Variants in CNGA1 observed in about 807,000 individuals in gnomAD.
CNGA1 encodes the protein cyclic nucleotide-gated channel alpha-1.
A neutral mutation model predicts 69.7 loss-of-function variants in CNGA1; 53 were observed. That is an observed-to-expected ratio of 0.76 (90% CI 0.61 to 0.96). The LOEUF is 0.96. Among genes scored for constraint, CNGA1 ranks in the 40% least tolerant of loss-of-function variants. CNGA1 has a pLI of 0.00. For synonymous variants in CNGA1, 249 were observed against 283.5 expected, an observed-to-expected ratio of 0.88 and a Z score of 1.22; for missense variants, 739 against 811.2, an observed-to-expected ratio of 0.91 and a Z score of 1.08.
At position 47,940,832 on chromosome 4, in the gene CNGA1, A is replaced by G. The variant is rs1739030680; in HGVS notation, c.583T>C (p.Tyr195His). 6.2e-7 allele frequency: 1 copy of G among 1,612,172 alleles called. No individual in the cohort carries two copies. The highest frequency in any genetic ancestry group is 8.5e-7 in the Non-Finnish European group (1 of 1,178,466). Residue 195 changes from tyrosine (Y) to histidine (H), a missense_variant, in exon 10 of 11, where the codon TAT (tyrosine) becomes CAT (histidine). Coordinates refer to ENST00000514170, the MANE Select transcript of CNGA1 (RefSeq NM_001379270.1). ...FDELQSDYLE[Y>H]WLILDYVSDI... ...GATACGTAATCCAAAATGAGCCAAT[A>G]TTCTAGGTAATCAGATTGAAGTTCA... is the stretch of plus-strand genomic sequence containing the variant.
chr4:47,970,340 C>A (rs1296554779), intron 3 of CNGA1, among the ~76,000 whole-genome samples: 1 of 152,088 alleles, frequency 6.6e-6, no homozygotes, highest in Non-Finnish European at 1.5e-5. Context: ...CACCACCTCC[C>A]CCAACTCCAC....
intron 3 of CNGA1, among the ~76,000 whole-genome samples, chr4:47,957,497 G>A (rs552651951): frequency 6.6e-6 from 1 of 152,236 alleles, no homozygotes; most frequent in East Asian, 1.9e-4. Context: ...ATGTGCACCT[G>A]TAGTCCCAGC....
chr4:47,992,251 T>G (rs1742300640), intron 2 of CNGA1, among the ~76,000 whole-genome samples: 1 of 152,154 alleles, frequency 6.6e-6, no homozygotes, highest in African/African-American at 2.4e-5. Context: ...TAGCTTGCTT[T>G]TGATAGTGTG....
chr4:47,954,565 A>G (rs1025378941), intron 3 of CNGA1, among the ~76,000 whole-genome samples: 1 of 152,202 alleles, frequency 6.6e-6, no homozygotes, highest in Non-Finnish European at 1.5e-5. Context: ...TTATAACCAC[A>G]TGAAAGATGA....
At chr4:47,943,795 T>C (rs921465595) in intron 6 of CNGA1, among the ~76,000 whole-genome samples, 4 of 152,226 alleles carry the variant, frequency 2.6e-5, no homozygotes, top group African/African-American at 7.2e-5. Flanking sequence ...AATAAAATCA[T>C]TCAGAATTTT....
chr4:47,980,594 C>G (rs1371231583), intron 3 of CNGA1, among the ~76,000 whole-genome samples: 2 of 151,660 alleles, frequency 1.3e-5, no homozygotes, highest in Non-Finnish European at 2.9e-5. Context: ...CCCACCTCAG[C>G]CTCCTGAGTA....
chr4:47,964,747 T>A (rs914596157), intron 3 of CNGA1, among the ~76,000 whole-genome samples: 1 of 152,082 alleles, frequency 6.6e-6, no homozygotes, highest in Admixed American at 6.5e-5. Context: ...TGCATTAAAA[T>A]CATAGAATAA....
intron 3 of CNGA1, among the ~76,000 whole-genome samples, chr4:47,957,711 G>A (rs183772033): frequency 2.0e-5 from 3 of 152,076 alleles, no homozygotes; most frequent in African/African-American, 7.2e-5. Context: ...TTGAAGAAAG[G>A]TGAGTTTAGC....
At chr4:47,999,731 TGTG>T (rs1462062535) in intron 2 of CNGA1, among the ~76,000 whole-genome samples, 8 of 151,952 alleles carry the variant, frequency 5.3e-5, no homozygotes, top group African/African-American at 1.9e-4. Flanking sequence ...ATTAGCCAGG[TGTG>T]GTGGCACTCG....
intron 2 of CNGA1, among the ~76,000 whole-genome samples, chr4:48,008,126 G>A (rs1369012716): frequency 2.0e-5 from 3 of 151,852 alleles, no homozygotes; most frequent in Non-Finnish European, 4.4e-5. Context: ...CAAGTCTCTG[G>A]AAAGACCATT....
At chr4:47,957,247 A>C (rs1232975296) in intron 3 of CNGA1, among the ~76,000 whole-genome samples, 3 of 152,064 alleles carry the variant, frequency 2.0e-5, no homozygotes, top group Non-Finnish European at 4.4e-5. Flanking sequence ...GCAAATTTTT[A>C]CATTAGTCTA....
At chr4:48,004,677 A>T (rs1714835260) in intron 2 of CNGA1, among the ~76,000 whole-genome samples, 1 of 152,224 alleles carries the variant, frequency 6.6e-6, no homozygotes, top group African/African-American at 2.4e-5. Context: ...GAACAAACAA[A>T]GGAACAATCC....
In CNGA1 at chr4:47,936,900, C is replaced by A. The variant is rs1018800266; in HGVS notation, c.1582G>T (p.Val528Phe). The change falls in exon 11 of 11, where the codon GTC becomes TTC. Residue 528 changes from valine (V) to phenylalanine (F), a missense_variant. Coordinates refer to ENST00000514170, the MANE Select transcript of CNGA1 (RefSeq NM_001379270.1). ...GKLAVVADDGVTQFVVLSDGS... is the reference protein window; with the variant it reads ...GKLAVVADDGFTQFVVLSDGS... ...TCGCTCAATACCACAAACTGAGTGA[C>A]TCCATCATCTGCCACCACAGCGAGT... 6.2e-7 allele frequency: 1 copy of A among 1,614,112 alleles called. No individual in the cohort carries two copies. Among genetic ancestry groups the A allele is most frequent in the Middle Eastern group, 1.6e-4 (1 of 6,062 alleles).
chr4:47,997,122 A>T (rs1714385705), intron 2 of CNGA1, among the ~76,000 whole-genome samples: 1 of 152,170 alleles, frequency 6.6e-6, no homozygotes, highest in Non-Finnish European at 1.5e-5. Flanking sequence ...TGTGCCTTAA[A>T]TATACCTGAA....
At chr4:47,992,960 TG>T (rs1429368548) in intron 2 of CNGA1, among the ~76,000 whole-genome samples, 3 of 152,182 alleles carry the variant, frequency 2.0e-5, no homozygotes, top group South Asian at 2.1e-4. Flanking sequence ...ATGTGATTTT[TG>T]TTCTTAATTC....
chr4:47,985,438 C>T (rs1578113454), intron 2 of CNGA1, among the ~76,000 whole-genome samples: 1 of 152,122 alleles, frequency 6.6e-6, no homozygotes, highest in African/African-American at 2.4e-5. Flanking sequence ...ATCCAGAATT[C>T]GCTCCCATAG....
At chr4:47,969,800 G>A (rs906617259) in intron 3 of CNGA1, among the ~76,000 whole-genome samples, 2 of 152,030 alleles carry the variant, frequency 1.3e-5, no homozygotes, top group African/African-American at 4.8e-5. Flanking sequence ...ACTGCTTGGC[G>A]ACTATAATCC....
At chr4:48,015,606 A>C in intron 1 of CNGA1, among the ~76,000 whole-genome samples, 1 of 150,582 alleles carries the variant, frequency 6.6e-6, no homozygotes, top group Non-Finnish European at 1.5e-5. Flanking sequence ...CCCACCCCTC[A>C]CCTTTTTTTT....
chr4:47,997,735 T>G (rs1483043101), intron 2 of CNGA1, among the ~76,000 whole-genome samples: 1 of 152,224 alleles, frequency 6.6e-6, no homozygotes, highest in Non-Finnish European at 1.5e-5. Flanking sequence ...TTCCTACTTG[T>G]ACAAACTTTG....
Sources: allele counts gnomAD v4.1 joint callset (sites outside exome capture counted in the v4.1 genomes callset), GRCh38; gene constraint gnomAD v4.1.1; transcripts MANE v1.5; gene names NCBI Gene and HGNC (gene_info 2026-07-23, HGNC 2026-07-21).